CLASP2: variants seen among roughly 807,000 people sequenced by gnomAD.
The protein encoded by CLASP2 is cytoplasmic linker associated protein 2, also known as CLIP-associating protein 2.
Under a neutral mutation model 194.4 loss-of-function variants are expected in CLASP2, and 47 were observed. That is an observed-to-expected ratio of 0.24 (90% CI 0.19 to 0.31). The LOEUF is 0.31. Among genes scored for constraint, CLASP2 ranks in the 10% least tolerant of loss-of-function variants. The pLI is 1.00. For synonymous variants in CLASP2, 619 were observed against 633.5 expected, an observed-to-expected ratio of 0.98 and a Z score of 0.34; for missense variants, 1,445 against 1,823.6, an observed-to-expected ratio of 0.79 and a Z score of 3.78.
At chr3:33,685,657 T>C (rs1026086104) in intron 5 of CLASP2, among the ~76,000 whole-genome samples, 7 of 152,184 alleles carry the variant, frequency 4.6e-5, no homozygotes, top group Admixed American at 2.0e-4. Flanking sequence ...TGATACATGC[T>C]ACAAGATGGA....
chr3:33,644,493 CCAT>C (rs2081942362), intron 8 of CLASP2: 4 of 385,764 alleles, frequency 1.0e-5, no homozygotes, highest in Non-Finnish European at 1.9e-5. Context: ...CAAAAAACTT[CCAT>C]AAATCTTTTT....
chr3:33,560,424 G>A (rs191557478), intron 28 of CLASP2, among the ~76,000 whole-genome samples: 1 of 151,866 alleles, frequency 6.6e-6, no homozygotes. Context: ...TGTATTTTTA[G>A]TAGAGATATG....
chr3:33,576,137 A>T, intron 24 of CLASP2, 32 bp downstream of exon 24: 1 of 1,555,956 alleles, frequency 6.4e-7, no homozygotes, highest in Non-Finnish European at 8.9e-7. Flanking sequence ...TAATTGGAAC[A>T]TTTATAATGA....
intron 7 of CLASP2, among the ~76,000 whole-genome samples, chr3:33,659,874 G>A (rs773830436): frequency 1.2e-4 from 18 of 152,330 alleles, no homozygotes; most frequent in Middle Eastern, 3.4e-3. Context: ...CAAAGGGTAT[G>A]TTATAAAAAT....
chr3:33,682,504 C>A (rs976533868), intron 6 of CLASP2, among the ~76,000 whole-genome samples: 3 of 151,980 alleles, frequency 2.0e-5, no homozygotes, highest in African/African-American at 4.8e-5. Flanking sequence ...GTTTGAAATG[C>A]TAAATACCCT....
At chr3:33,648,200 A>G (rs1317389477) in intron 7 of CLASP2, among the ~76,000 whole-genome samples, 1 of 152,176 alleles carries the variant, frequency 6.6e-6, no homozygotes, top group Admixed American at 6.5e-5. Context: ...CTTAAATATA[A>G]ATGAACTAGT....
Position 33,551,401 on chromosome 3 carries a change from G to T in CLASP2, c.3010-6C>A. 2 of 1,611,600 alleles carry T rather than the reference G, an allele frequency of 1.2e-6. No individual in the cohort carries two copies. Among genetic ancestry groups the T allele is most frequent in the Non-Finnish European group, 1.7e-6 (2 of 1,178,432 alleles). Reference sequence around the variant, plus strand: ...TTAAGGATAGCAACCTTCACCTGCAGAGGAAAGCACAAAGAGAAAGGACAG... The same window carrying T: ...TTAAGGATAGCAACCTTCACCTGCATAGGAAAGCACAAAGAGAAAGGACAG... On this transcript the variant is annotated splice_region_variant and splice_polypyrimidine_tract_variant and intron_variant, in intron 29 of 38. Transcript: ENST00000682230.
At chr3:33,560,322 A>G (rs2061612103) in intron 28 of CLASP2, among the ~76,000 whole-genome samples, 1 of 151,440 alleles carries the variant, frequency 6.6e-6, no homozygotes, top group South Asian at 2.1e-4. Flanking sequence ...GGCTCACTGC[A>G]ACCTCCACCT....
At chr3:33,559,454 T>C (rs1421407193) in intron 28 of CLASP2, 69 bp from the exon 29 acceptor site, 25 of 823,326 alleles carry the variant, frequency 3.0e-5, no homozygotes, top group Non-Finnish European at 4.0e-6. Flanking sequence ...AGCAAAAGAC[T>C]ATGCTTAATA....
chr3:33,636,421 C>T (rs973033494), intron 8 of CLASP2, among the ~76,000 whole-genome samples: 6 of 151,276 alleles, frequency 4.0e-5, no homozygotes, highest in Admixed American at 1.3e-4. Flanking sequence ...AAAGTAACTC[C>T]CTAAAATTAA....
chr3:33,498,444 A>G lies in CLASP2; in HGVS notation c.*187T>C, dbSNP rs1392019952. On this transcript the variant is annotated 3_prime_UTR_variant, in exon 39 of 39. Coordinates refer to ENST00000682230, the MANE Select transcript of CLASP2 (RefSeq NM_001365631.1). ...TCTTCTTGAATTTGGAATAACTATC[A>G]TAAAAGTTACATGCAGACTGAGGAT... The G allele has an allele frequency of 2.0e-4, 91 of 459,376 alleles. No homozygotes were observed. The highest frequency in any genetic ancestry group is 7.4e-5 in the Non-Finnish European group (19 of 257,714). The allele number at this position is 459,376 out of a possible 1,614,324, so 28.5% of individuals were successfully genotyped here.
At chr3:33,573,403 G>A (rs758151787) in intron 24 of CLASP2, 49 bp from the exon 25 acceptor site, 6 of 1,581,770 alleles carry the variant, frequency 3.8e-6, no homozygotes, top group African/African-American at 1.3e-5. Flanking sequence ...GAATATATTG[G>A]TATTTCATAA....
intron 24 of CLASP2, among the ~76,000 whole-genome samples, chr3:33,573,848 G>A (rs893543875): frequency 2.0e-5 from 3 of 151,726 alleles, no homozygotes; most frequent in African/African-American, 7.3e-5. Flanking sequence ...CACTTCTCTT[G>A]CCACTATTCC....
intron 21 of CLASP2, among the ~76,000 whole-genome samples, chr3:33,586,279 C>G (rs1204432421): frequency 6.6e-6 from 1 of 152,028 alleles, no homozygotes. Context: ...GGATTATAGG[C>G]TCCTGCCATC....
chr3:33,527,540 C>A (rs2054917024), intron 34 of CLASP2, among the ~76,000 whole-genome samples: 1 of 152,072 alleles, frequency 6.6e-6, no homozygotes, highest in South Asian at 2.1e-4. Flanking sequence ...ACCAGATGTA[C>A]AAATAAAAGC....
chr3:33,560,801 A>G lies in CLASP2; in HGVS notation c.2930+7T>C. Reference sequence around the variant, plus strand: ...GGTTAACTTGAAATATATGAAAAAAATATTACCTTGTAACATCAAGGGCTT... The same window carrying G: ...GGTTAACTTGAAATATATGAAAAAAGTATTACCTTGTAACATCAAGGGCTT... On this transcript the variant is annotated splice_region_variant and intron_variant, in intron 28 of 38. Coordinates refer to ENST00000682230, the MANE Select transcript of CLASP2 (RefSeq NM_001365631.1). 1 of 1,611,252 alleles carries G rather than the reference A, an allele frequency of 6.2e-7. No homozygotes were observed. The highest frequency in any genetic ancestry group is 8.5e-7 in the Non-Finnish European group (1 of 1,178,748).
chr3:33,554,218 A>C (rs1047460833), intron 29 of CLASP2, among the ~76,000 whole-genome samples: 1 of 141,594 alleles, frequency 7.1e-6, no homozygotes, highest in Non-Finnish European at 1.5e-5. Context: ...CAGGAGCGAA[A>C]CTGTCTCAAA....
At chr3:33,654,000 A>G (rs1206607907) in intron 7 of CLASP2, among the ~76,000 whole-genome samples, 2 of 152,160 alleles carry the variant, frequency 1.3e-5, no homozygotes, top group African/African-American at 4.8e-5. Context: ...AGATGCAAAA[A>G]AAGAAGGCAC....
chr3:33,608,674 CATT>C, intron 13 of CLASP2, 48 bp from the exon 14 acceptor site: 11 of 1,160,206 alleles, frequency 9.5e-6, no homozygotes, highest in Non-Finnish European at 1.3e-5. Flanking sequence ...TTGAGAAATA[CATT>C]AACACTTTCT....
Sources: gnomAD v4.1 joint callset for allele counts (sites outside exome capture counted in the v4.1 genomes callset) on GRCh38, gnomAD v4.1.1 for gene constraint, MANE v1.5 for transcripts, NCBI Gene and HGNC (gene_info 2026-07-23, HGNC 2026-07-21) for gene names.